ABL2: variants seen among roughly 807,000 people sequenced by gnomAD.
ABL2 encodes tyrosine-protein kinase ABL2.
ABL2 carries 49 observed loss-of-function variants against 107.7 expected under a neutral mutation model. The ratio of observed to expected loss-of-function variants is 0.45; its 90% CI spans 0.36 to 0.58. The LOEUF is 0.58. Ranked by LOEUF, ABL2 falls within the 20% of genes least tolerant of loss-of-function variation. ABL2 has a pLI of 0.00. For missense variants in ABL2, 1,245 were observed against 1,457.0 expected (o/e 0.85, Z 2.37); for synonymous variants, 549 against 548.6 (o/e 1.00, Z -0.01).
chr1:179,194,857 TCAA>T (rs1661214811), intron 1 of ABL2, among the ~76,000 whole-genome samples: 1 of 151,718 alleles, frequency 6.6e-6, no homozygotes, highest in African/African-American at 2.4e-5. Flanking sequence ...GACCAACAAG[TCAA>T]CAACAAAAAA....
At position 179,115,109 on chromosome 1, in the gene ABL2, T is replaced by A. The variant is rs1228078806; in HGVS notation, c.1409-79A>T. 3 of 1,386,442 alleles carry A rather than the reference T, an allele frequency of 2.2e-6. No homozygotes were observed. The East Asian group carries it at 7.1e-5, about 33-fold the overall frequency. The allele number at this position is 1,386,442 out of a possible 1,614,324, so 85.9% of individuals were successfully genotyped here. A position where few individuals can be genotyped will look rare whatever the true frequency, so the allele number is the denominator to read the frequency against. On this transcript the variant is annotated intron_variant, in intron 8 of 11. Coordinates refer to ENST00000502732, the MANE Select transcript of ABL2 (RefSeq NM_007314.4). Reference sequence around the variant, plus strand: ...TACATAATTAGGTGATTCTCTTTCATATTTTAGGTAACATTCACACACTGT... The same window carrying A: ...TACATAATTAGGTGATTCTCTTTCAAATTTTAGGTAACATTCACACACTGT...
At chr1:179,174,148 C>T (rs911866788) in intron 1 of ABL2, among the ~76,000 whole-genome samples, 7 of 151,968 alleles carry the variant, frequency 4.6e-5, no homozygotes, top group East Asian at 3.9e-4. Context: ...AGTAGCTGGG[C>T]GTGGTGGTGT....
At position 179,109,160 on chromosome 1, in the gene ABL2, AAG is replaced by A; in HGVS notation, c.2105_2106del (p.Ser702PhefsTer27). The stretch of plus-strand genomic sequence containing the variant: ...TTCGCCTCTTGCTGGGCAGGAGTGA[AAG>A]AGAACCCATCAGCATGCTGTAGAGA... ...VASLQHADGFSFTPAQQEANL... is the reference protein window; with the variant it reads ...VASLQHADGFXFTPAQQEANL... On this transcript the variant is annotated frameshift_variant, in exon 12 of 12. Coordinates refer to ENST00000502732, the MANE Select transcript of ABL2 (RefSeq NM_007314.4). LOFTEE classifies it high-confidence loss of function. 1 of 1,613,720 alleles carries A rather than the reference AAG, an allele frequency of 6.2e-7. No homozygotes were observed. The highest frequency in any genetic ancestry group is 8.5e-7 in the Non-Finnish European group (1 of 1,179,974).
chr1:179,172,293 T>C (rs1007130840), intron 1 of ABL2, among the ~76,000 whole-genome samples: 1 of 152,196 alleles, frequency 6.6e-6, no homozygotes, highest in Admixed American at 6.5e-5. Flanking sequence ...TGTCCTACTA[T>C]CTATTAACCC....
intron 1 of ABL2, among the ~76,000 whole-genome samples, chr1:179,186,180 G>C (rs933145827): frequency 6.6e-6 from 1 of 151,998 alleles, no homozygotes; most frequent in Non-Finnish European, 1.5e-5. Context: ...GGGAGGCAGA[G>C]GTTACAGTGA....
At chr1:179,155,546 A>T (rs2102739856) in intron 1 of ABL2, among the ~76,000 whole-genome samples, 1 of 152,216 alleles carries the variant, frequency 6.6e-6, no homozygotes, top group South Asian at 2.1e-4. Flanking sequence ...CATGGCCAAC[A>T]TGGTGAAACC....
chr1:179,142,843 A>G, intron 1 of ABL2: 1 of 1,435,674 alleles, frequency 7.0e-7, no homozygotes, highest in Non-Finnish European at 9.5e-7. Flanking sequence ...CAAAAACAGT[A>G]GCAGATAAGA....
At chr1:179,182,479 TG>T (rs56007991) in intron 1 of ABL2, among the ~76,000 whole-genome samples, 13,032 of 152,246 alleles carry the variant, frequency 0.086, 615 homozygotes, top group African/African-American at 0.093. Flanking sequence ...GCCAATGACC[TG>T]GCTTAGAAAA....
In ABL2 at chr1:179,121,826, C is replaced by G. The variant is rs1357906238; in HGVS notation, c.729G>C (p.Glu243Asp). The change falls in exon 5 of 12, where the codon GAG (glutamate) becomes GAC (aspartate). Residue 243 changes from glutamate (E) to aspartate (D), a missense_variant. Glu to Asp is a conservative substitution (Grantham distance 45). Coordinates refer to ENST00000502732, the MANE Select transcript of ABL2 (RefSeq NM_007314.4). ...CCACTGTGGAGTGATGGTGTACAAG[C>G]TCTGCCAAGGTGCTGAAGCGGCTCT... ...TAESRFSTLA[E>D]LVHHHSTVAD... is the part of the protein sequence containing the mutation. The G allele has an allele frequency of 6.2e-7, 1 of 1,613,774 alleles. No homozygotes were observed. The highest frequency in any genetic ancestry group is 8.5e-7 in the Non-Finnish European group (1 of 1,179,958).
Position 179,102,893 on chromosome 1 carries a change from T to C in ABL2, c.*4825A>G, listed in dbSNP as rs1653220269. On this transcript the variant is annotated 3_prime_UTR_variant, in exon 12 of 12. Coordinates refer to ENST00000502732, the MANE Select transcript of ABL2 (RefSeq NM_007314.4). ...AATGTCATTTATAACTGGTAGGAAA[T>C]CCTAGAAAAGTAATTCCCAAAGTGC... 1 of 226,358 alleles carries C rather than the reference T, an allele frequency of 4.4e-6. No homozygotes were observed. Among genetic ancestry groups the C allele is most frequent in the African/African-American group, 2.2e-5 (1 of 44,916 alleles). The allele number at this position is 226,358 out of a possible 1,614,324, so 14.0% of individuals were successfully genotyped here.
chr1:179,200,229 T>C (rs1370955399), intron 1 of ABL2, among the ~76,000 whole-genome samples: 1 of 151,678 alleles, frequency 6.6e-6, no homozygotes, highest in African/African-American at 2.4e-5. Flanking sequence ...GTATTTTTAG[T>C]AGAGATGGGG....
intron 1 of ABL2, among the ~76,000 whole-genome samples, chr1:179,145,569 T>A (rs1657925849): frequency 6.6e-6 from 1 of 152,004 alleles, no homozygotes; most frequent in Non-Finnish European, 1.5e-5. Flanking sequence ...TAGGCTGAGG[T>A]GGAAAAGTGC....
intron 10 of ABL2, chr1:179,110,681 A>G: frequency 6.3e-7 from 1 of 1,575,880 alleles, no homozygotes; most frequent in Non-Finnish European, 8.7e-7. Flanking sequence ...ATTGCTGTGT[A>G]GCATGCCAAC....
chr1:179,168,504 T>C (rs1280704185), intron 1 of ABL2, among the ~76,000 whole-genome samples: 1 of 152,212 alleles, frequency 6.6e-6, no homozygotes, highest in African/African-American at 2.4e-5. Flanking sequence ...ACTGTATTTA[T>C]AACACAACAA....
At chr1:179,112,909 C>G (rs536399609) in intron 9 of ABL2, among the ~76,000 whole-genome samples, 3 of 152,184 alleles carry the variant, frequency 2.0e-5, no homozygotes, top group Admixed American at 1.3e-4. Context: ...CGCACGCCAC[C>G]ACGTCCGGCT....
chr1:179,178,727 T>C (rs1660199982), intron 1 of ABL2, among the ~76,000 whole-genome samples: 2 of 152,010 alleles, frequency 1.3e-5, no homozygotes, highest in South Asian at 4.2e-4. Flanking sequence ...CCGCCTCTAC[T>C]AAAAATACAA....
chr1:179,182,037 C>T lies in ABL2; in HGVS notation c.157+47204G>A, dbSNP rs1285309724. 4.0e-5 allele frequency among the ~76,000 whole-genome samples: 6 copies of T among 149,858 alleles called. No homozygotes were observed. The East Asian group carries it at 5.9e-4, about 15-fold the overall frequency. On this transcript the variant is annotated intron_variant, in intron 1 of 11. Transcript: ENST00000502732. The stretch of plus-strand genomic sequence containing the variant: ...GGTCTTGATCTCCTGACCTCATGAC[C>T]CGCCTGCCTCAGCCTCCCAAAGTGC...
At chr1:179,228,075 G>A (rs1260817807) in intron 1 of ABL2, among the ~76,000 whole-genome samples, 4 of 135,898 alleles carry the variant, frequency 2.9e-5, no homozygotes, top group South Asian at 4.7e-4. Flanking sequence ...AAAAAAAAGA[G>A]TTTGGGCCAG....
chr1:179,146,162 T>C (rs1162071574), intron 1 of ABL2, among the ~76,000 whole-genome samples: 6 of 152,140 alleles, frequency 3.9e-5, no homozygotes, highest in African/African-American at 9.7e-5. Context: ...ATGAATTACA[T>C]TGAGAACCAA....
Sources: gnomAD v4.1 joint callset for allele counts (sites outside exome capture counted in the v4.1 genomes callset) on GRCh38, gnomAD v4.1.1 for gene constraint, MANE v1.5 for transcripts, NCBI Gene and HGNC (gene_info 2026-07-23, HGNC 2026-07-21) for gene names.